Variants in HERC2 observed in about 807,000 individuals in gnomAD.
HERC2 encodes HECT and RLD domain containing E3 ubiquitin protein ligase 2, also known as E3 ubiquitin-protein ligase HERC2.
HERC2 carries 102 observed loss-of-function variants against 537.7 expected under a neutral mutation model. The ratio of observed to expected loss-of-function variants is 0.19; its 90% CI spans 0.16 to 0.22. The LOEUF (loss-of-function observed/expected upper bound fraction) is 0.22, where lower values mean the gene tolerates loss of function less well. HERC2 is among the 10% of genes least tolerant of loss of function. The pLI, the probability that HERC2 is intolerant of heterozygous loss-of-function variation, is 1.00. For synonymous variants in HERC2, 2,224 were observed against 2,466.2 expected, an observed-to-expected ratio of 0.90 and a Z score of 2.91; for missense variants, 4,236 against 6,198.2, an observed-to-expected ratio of 0.68 and a Z score of 10.63.
chr15:28,132,303 G>A, intron 80 of HERC2, 42 bp from the exon 81 acceptor site: 1 of 1,558,944 alleles, frequency 6.4e-7, no homozygotes. Context: ...CACAACACAA[G>A]AAGGCTTGCC....
rs147924778 is a variant in HERC2, at chr15:28,149,368, G to A, written c.10901-3024C>T. On this transcript the variant is annotated intron_variant, in intron 70 of 92. Coordinates refer to ENST00000261609, the MANE Select transcript of HERC2 (RefSeq NM_004667.6). ...GTAAAATTACCAAAAAAACACACGC[G>A]GCTCCTAACCGAGAACGTCACCGAG... is the stretch of plus-strand genomic sequence containing the variant. 8.9e-3 allele frequency among the ~76,000 whole-genome samples: 1,304 copies of A among 146,596 alleles called. 23 individuals carry two copies. Among genetic ancestry groups the A allele is most frequent in the African/African-American group, 0.032 (1,245 of 39,452 alleles).
rs775219731 is a variant in HERC2, at chr15:28,229,277, G to A, written c.5190C>T (p.Val1730=). Reference sequence around the variant, plus strand: ...CCCAAGCGTACAGCTTGCCAAAGGTGACTTCCAGCAGCATCCGATTAAAAG... The same window carrying A: ...CCCAAGCGTACAGCTTGCCAAAGGTAACTTCCAGCAGCATCCGATTAAAAG... The part of the protein sequence containing the change: ...IPPFNRMLLE[V]TFGKLYAWAV... Residue 1730 remains valine (V), a synonymous_variant, in exon 34 of 93, where the codon GTC becomes GTT. Transcript: ENST00000261609. 1 of 1,613,500 alleles carries A rather than the reference G, an allele frequency of 6.2e-7. No individual in the cohort carries two copies. The highest frequency in any genetic ancestry group is 2.2e-5 in the East Asian group (1 of 44,870).
intron 16 of HERC2, 96 bp from the exon 17 acceptor site, chr15:28,257,357 A>G (rs1276351292): frequency 4.1e-6 from 4 of 976,654 alleles, no homozygotes; most frequent in Non-Finnish European, 6.3e-6. Flanking sequence ...GCTGCCTTAT[A>G]CTATTACCTA....
At chr15:28,222,929 G>C (rs191538279) in intron 35 of HERC2, among the ~76,000 whole-genome samples, 33 of 152,316 alleles carry the variant, frequency 2.2e-4, no homozygotes, top group African/African-American at 7.7e-4. Context: ...CTCGTCCTGT[G>C]TGGATCCTGT....
At chr15:28,181,936 A>T (rs975175743) in intron 57 of HERC2, among the ~76,000 whole-genome samples, 4 of 152,162 alleles carry the variant, frequency 2.6e-5, no homozygotes, top group African/African-American at 9.7e-5. Flanking sequence ...ATGCGCACAC[A>T]TGTGCATTCT....
intron 37 of HERC2, 75 bp from the exon 38 acceptor site, chr15:28,218,746 G>A: frequency 8.1e-7 from 1 of 1,230,574 alleles, no homozygotes; most frequent in Non-Finnish European, 1.2e-6. Flanking sequence ...TAATTCAACA[G>A]CTTTAATATT....
intron 46 of HERC2, 27 bp downstream of exon 46, chr15:28,202,320 C>T: frequency 6.2e-7 from 1 of 1,613,496 alleles, no homozygotes; most frequent in Non-Finnish European, 8.5e-7. Flanking sequence ...CACACATACA[C>T]AAGCAGAGGC....
Position 28,230,448 on chromosome 15 carries a change from C to G in HERC2, c.4728G>C (p.Glu1576Asp). Residue 1576 changes from glutamate (E) to aspartate (D), a missense_variant, in exon 31 of 93, where the codon GAG (glutamate) becomes GAC (aspartate). This residue lies in a region of HERC2 where 343 missense variants were observed against 417.2 expected (regional missense o/e 0.82). Coordinates refer to ENST00000261609, the MANE Select transcript of HERC2 (RefSeq NM_004667.6). ...TDDEEKIGNE[E>D]SDLEEACILP... ...AAATGCAAGCTTCTTCTAAATCACT[C>G]TCTTCGTTTCCAATTTTTTCTTCAT... The G allele has an allele frequency of 7.0e-7, 1 of 1,421,528 alleles. No homozygotes were observed. Among genetic ancestry groups the G allele is most frequent in the Non-Finnish European group, 9.8e-7 (1 of 1,022,068 alleles). The allele number at this position is 1,421,528 out of a possible 1,614,324, so 88.1% of individuals were successfully genotyped here.
chr15:28,137,718 C>T lies in HERC2; in HGVS notation c.12016-2026G>A, dbSNP rs577879529. On this transcript the variant is annotated intron_variant, in intron 78 of 92. Transcript: ENST00000261609. Reference sequence around the variant, plus strand: ...ACCTCCCTATTATGTCCCTGAGACACAACTTATTGAAATAAGGCCACTTAA... The same window carrying T: ...ACCTCCCTATTATGTCCCTGAGACATAACTTATTGAAATAAGGCCACTTAA... Among the ~76,000 whole-genome samples the T allele has an allele frequency of 2.4e-4, 37 of 152,256 alleles. No individual in the cohort carries two copies. The East Asian group carries it at 7.0e-3, about 29-fold the overall frequency.
intron 55 of HERC2, among the ~76,000 whole-genome samples, chr15:28,187,969 C>T (rs189158441): frequency 6.8e-4 from 104 of 152,316 alleles, no homozygotes; most frequent in Admixed American, 1.8e-3. Flanking sequence ...CTAACAATTA[C>T]TTTTTATTGC....
intron 78 of HERC2, among the ~76,000 whole-genome samples, chr15:28,139,927 G>A (rs190074078): frequency 2.7e-4 from 41 of 150,938 alleles, no homozygotes; most frequent in African/African-American, 9.1e-4. Context: ...GATTAGCCAG[G>A]CGTGGTGGCG....
At chr15:28,162,747 C>T (rs988830165) in intron 69 of HERC2, among the ~76,000 whole-genome samples, 12 of 152,024 alleles carry the variant, frequency 7.9e-5, no homozygotes, top group East Asian at 1.9e-4. Flanking sequence ...AAAAATTAGC[C>T]GGGCATGGTG....
chr15:28,261,176 C>T (rs2140928986), intron 15 of HERC2, among the ~76,000 whole-genome samples: 2 of 152,184 alleles, frequency 1.3e-5, no homozygotes, highest in Middle Eastern at 6.8e-3. Context: ...CGTTAGGACC[C>T]ACAGTCTACA....
intron 21 of HERC2, 64 bp downstream of exon 21, chr15:28,248,488 C>T (rs2140826898): frequency 2.3e-6 from 3 of 1,289,202 alleles, no homozygotes; most frequent in Non-Finnish European, 3.3e-6. Flanking sequence ...ATGGACACGT[C>T]GAAAAGCCTA....
intron 5 of HERC2, 143 bp downstream of exon 5, chr15:28,279,925 A>G: frequency 1.5e-6 from 1 of 674,742 alleles, no homozygotes; most frequent in Non-Finnish European, 2.5e-6. Flanking sequence ...TCCAGATTAT[A>G]CAAAACATAC....
intron 81 of HERC2, among the ~76,000 whole-genome samples, chr15:28,131,582 G>T (rs1046037608): frequency 6.6e-6 from 1 of 152,188 alleles, no homozygotes; most frequent in Non-Finnish European, 1.5e-5. Context: ...GCAGCCACCG[G>T]GCTTGAGTGG....
chr15:28,173,056 A>G (rs907035148), intron 65 of HERC2, among the ~76,000 whole-genome samples: 1 of 152,238 alleles, frequency 6.6e-6, no homozygotes, highest in Non-Finnish European at 1.5e-5. Context: ...AGATACCACC[A>G]TACGTCTATC....
intron 7 of HERC2, among the ~76,000 whole-genome samples, chr15:28,273,949 C>G (rs891642158): frequency 6.6e-6 from 1 of 152,072 alleles, no homozygotes; most frequent in African/African-American, 2.4e-5. Flanking sequence ...GACTTCAAAC[C>G]AAGCACCACT....
chr15:28,294,757 C>A (rs979899934), intron 3 of HERC2, among the ~76,000 whole-genome samples: 11 of 152,114 alleles, frequency 7.2e-5, no homozygotes, highest in African/African-American at 2.4e-4. Context: ...CCAAGTGCAG[C>A]CCCCGTGTGG....
Sources: gnomAD v4.1 joint callset for allele counts (sites outside exome capture counted in the v4.1 genomes callset) on GRCh38, gnomAD v4.1.1 for gene constraint, gnomAD v4.1.1 regional missense constraint, MANE v1.5 for transcripts, NCBI Gene and HGNC (gene_info 2026-07-23, HGNC 2026-07-21) for gene names.